The following PLEKHD1 variants were observed in gnomAD, a reference collection of about 807,000 sequenced individuals.
PLEKHD1 encodes the protein pleckstrin homology and coiled-coil domain containing D1.
PLEKHD1 carries 51 observed loss-of-function variants against 69.2 expected under a neutral mutation model. The ratio of observed to expected loss-of-function variants is 0.74; its 90% confidence interval spans 0.59 to 0.93. The LOEUF (loss-of-function observed/expected upper bound fraction) is 0.93, where lower values mean the gene tolerates loss of function less well. Among genes scored for constraint, PLEKHD1 ranks in the 40% least tolerant of loss-of-function variants. The pLI is 0.00. For synonymous variants in PLEKHD1, 236 were observed against 244.7 expected, an observed-to-expected ratio of 0.96 and a Z score of 0.33; for missense variants, 584 against 641.0, an observed-to-expected ratio of 0.91 and a Z score of 0.96.
At chr14:69,482,530 G>A (rs992824138), upstream of PLEKHD1, among the ~76,000 whole-genome samples, 2 of 152,210 alleles carry the variant, frequency 1.3e-5, no homozygotes, top group African/African-American at 4.8e-5. Context: ...TGCTGCTGCT[G>A]TTTGTGCACT....
rs1882617688 is a variant in PLEKHD1 at position 69,484,864 on chromosome 14, G to T, written c.-102G>T. ...GCCGGGCCGCTCTGCTTCTCTGCTC[G>T]CTGGGACGCTCTCCGACGGCTCCGC... On this transcript the variant is annotated 5_prime_UTR_variant, in exon 1 of 13. Transcript: ENST00000322564. The T allele has an allele frequency of 1.1e-5, 15 of 1,380,778 alleles. No homozygotes were observed. Among genetic ancestry groups the T allele is most frequent in the Middle Eastern group, 2.3e-4 (1 of 4,350 alleles). 85.5% of individuals were successfully genotyped at this position (1,380,778 alleles called of 1,614,324 possible). A position where few individuals can be genotyped will look rare whatever the true frequency, so the allele number is the denominator to read the frequency against.
chr14:69,508,295 A>G (rs930730784), intron 6 of PLEKHD1, among the ~76,000 whole-genome samples: 3 of 151,976 alleles, frequency 2.0e-5, no homozygotes, highest in Non-Finnish European at 4.4e-5. Flanking sequence ...AATCCCAGCT[A>G]CTTGGGAGGC....
chr14:69,518,781 G>A (rs4899298), intron 6 of PLEKHD1, among the ~76,000 whole-genome samples: 103,839 of 151,902 alleles, frequency 0.68, 36,668 homozygotes, highest in Admixed American at 0.8. Flanking sequence ...GGGATAAGCC[G>A]GACCCATTGA....
intron 1 of PLEKHD1, among the ~76,000 whole-genome samples, chr14:69,493,407 A>T (rs1002875427): frequency 6.6e-6 from 1 of 152,208 alleles, no homozygotes; most frequent in African/African-American, 2.4e-5. Context: ...TCTATGCCTC[A>T]GTTTCCTCTC....
chr14:69,526,729 T>C lies in PLEKHD1; in HGVS notation c.956T>C (p.Leu319Pro). 6.5e-7 allele frequency: 1 copy of C among 1,546,194 alleles called. No individual in the cohort carries two copies. Among genetic ancestry groups the C allele is most frequent in the Non-Finnish European group, 8.7e-7 (1 of 1,144,238 alleles). ...MKENEERSRA[L>P]EEEREFYSSQ... Reference sequence around the variant, plus strand: ...GAGAACGAGGAGCGCTCACGGGCCCTGGAGGAGGAGCGTGAGTTCTACTCC... The same window carrying C: ...GAGAACGAGGAGCGCTCACGGGCCCCGGAGGAGGAGCGTGAGTTCTACTCC... The change falls in exon 10 of 13, where the codon CTG becomes CCG. Residue 319 changes from leucine to proline, a missense_variant. Transcript: ENST00000322564.
chr14:69,517,587 A>G (rs908695378), intron 6 of PLEKHD1, among the ~76,000 whole-genome samples: 2 of 152,112 alleles, frequency 1.3e-5, no homozygotes. Context: ...GGAGGATTGC[A>G]TACAAACTGC....
intron 6 of PLEKHD1, among the ~76,000 whole-genome samples, chr14:69,518,598 G>T (rs144532691): frequency 6.6e-6 from 1 of 152,172 alleles, no homozygotes; most frequent in African/African-American, 2.4e-5. Context: ...GTCTAGTCTA[G>T]AATTGCATTC....
chr14:69,490,538 C>T (rs1054593007), intron 1 of PLEKHD1, among the ~76,000 whole-genome samples: 10 of 152,186 alleles, frequency 6.6e-5, no homozygotes, highest in East Asian at 3.8e-4. Flanking sequence ...TTACACATTA[C>T]GGTTGTCTTA....
At chr14:69,486,347 G>A (rs1040566551) in intron 1 of PLEKHD1, among the ~76,000 whole-genome samples, 1 of 152,204 alleles carries the variant, frequency 6.6e-6, no homozygotes, top group African/African-American at 2.4e-5. Flanking sequence ...CTGGTTTCAT[G>A]TTGTTTTGTT....
At chr14:69,510,231 A>G (rs1398621330) in intron 6 of PLEKHD1, among the ~76,000 whole-genome samples, 1 of 152,204 alleles carries the variant, frequency 6.6e-6, no homozygotes, top group African/African-American at 2.4e-5. Flanking sequence ...TTTCCACAAA[A>G]CAACATGCTG....
chr14:69,504,839 T>C (rs964726200), intron 6 of PLEKHD1, among the ~76,000 whole-genome samples: 1 of 152,198 alleles, frequency 6.6e-6, no homozygotes, highest in Non-Finnish European at 1.5e-5. Flanking sequence ...CTCTAGGTCC[T>C]GTGTTAGGGT....
At chr14:69,506,384 T>A (rs2139511723) in intron 6 of PLEKHD1, among the ~76,000 whole-genome samples, 1 of 152,330 alleles carries the variant, frequency 6.6e-6, no homozygotes, top group South Asian at 2.1e-4. Flanking sequence ...CTACAAACAC[T>A]CAAGCCATGC....
chr14:69,476,338 C>T, the PLEKHD1 span, among the ~76,000 whole-genome samples: 13 of 149,444 alleles, frequency 8.7e-5, no homozygotes, highest in South Asian at 2.1e-4. Flanking sequence ...GAGGATCTTT[C>T]GAGCCCAGTA....
rs961731738 is a variant in PLEKHD1, at chr14:69,530,695, C to T, written c.*2276C>T. Reference sequence around the variant, plus strand: ...TGGCTCACAGATATGGTGGCTAAGACGTCCAATATCAAGGTGCTGGCATCT... The same window carrying T: ...TGGCTCACAGATATGGTGGCTAAGATGTCCAATATCAAGGTGCTGGCATCT... On this transcript the variant is annotated 3_prime_UTR_variant, in exon 13 of 13. Transcript: ENST00000322564. 2 of 152,146 alleles carry T rather than the reference C, an allele frequency of 1.3e-5. No homozygotes were observed. Among genetic ancestry groups the T allele is most frequent in the African/African-American group, 2.4e-5 (1 of 41,430 alleles). 9.4% of individuals were successfully genotyped at this position (152,146 alleles called of 1,614,324 possible). A position where few individuals can be genotyped will look rare whatever the true frequency, so the allele number is the denominator to read the frequency against.
chr14:69,496,928 C>T (rs1281508241), intron 1 of PLEKHD1, among the ~76,000 whole-genome samples: 1 of 152,104 alleles, frequency 6.6e-6, no homozygotes, highest in Non-Finnish European at 1.5e-5. Context: ...CATTAATTAC[C>T]TCCTAAAGAC....
At chr14:69,498,617 T>TCTTCTCTTCTCTTCTCTTCC (rs1882947378) in intron 1 of PLEKHD1, among the ~76,000 whole-genome samples, 4 of 117,264 alleles carry the variant, frequency 3.4e-5, no homozygotes, top group Non-Finnish European at 3.9e-5. Context: ...TCTTCTCTTC[T>TCTTCTCTTCTCTTCTCTTCC]CTTCTCTTCT....
chr14:69,520,263 G>A (rs1279445147), intron 6 of PLEKHD1, among the ~76,000 whole-genome samples: 2 of 150,644 alleles, frequency 1.3e-5, no homozygotes, highest in African/African-American at 2.4e-5. Flanking sequence ...ATTTCCCCAG[G>A]CCTCTAAACG....
chr14:69,499,859 G>C (rs1318291192), intron 1 of PLEKHD1, among the ~76,000 whole-genome samples: 1 of 152,182 alleles, frequency 6.6e-6, no homozygotes, highest in Non-Finnish European at 1.5e-5. Context: ...CGGGACAGAG[G>C]CAGCCAGACC....
intron 12 of PLEKHD1, 150 bp downstream of exon 12, chr14:69,528,082 C>T: frequency 2.1e-6 from 3 of 1,445,632 alleles, no homozygotes; most frequent in South Asian, 1.3e-5. Context: ...GGTGAATTCT[C>T]AGGGCCCTGG....
Sources: allele counts gnomAD v4.1 joint callset (sites outside exome capture counted in the v4.1 genomes callset), GRCh38; gene constraint gnomAD v4.1.1; transcripts MANE v1.5; gene names NCBI Gene and HGNC (gene_info 2026-07-23, HGNC 2026-07-21).